Variants in PELP1 observed in about 807,000 individuals in gnomAD.
PELP1 encodes the protein proline-, glutamic acid- and leucine-rich protein 1.
PELP1 carries 32 observed loss-of-function variants against 95.5 expected under a neutral mutation model. That is an observed-to-expected ratio of 0.34 (90% CI 0.25 to 0.45). The LOEUF is 0.45. Among genes scored for constraint, PELP1 ranks in the 20% least tolerant of loss-of-function variants. The pLI is 1.00. For synonymous variants in PELP1, 668 were observed against 600.1 expected (o/e 1.11, Z -1.65); for missense variants, 1,358 against 1,444.8 (o/e 0.94, Z 0.97).
In PELP1 at chr17:4,676,405, C is replaced by T. The variant is rs147186006; in HGVS notation, c.805G>A (p.Ala269Thr). The change falls in exon 7 of 17, where the codon GCC becomes ACC. Residue 269 changes from alanine to threonine, a missense_variant. By Grantham distance (58) the Ala-to-Thr change is moderately conservative. Transcript: ENST00000572293. ...GCCCCCAGCAGGGTGTGCAGTGAGG[C>T]CAGCAGACTGTGTAGCTCCTGCTCC... ...SWEQELHSLL[A>T]SLHTLLGALY... is the part of the protein sequence containing the mutation. The T allele has an allele frequency of 1.3e-3, 2,105 of 1,613,668 alleles. 12 individuals are homozygous for T. In the African/African-American group the frequency reaches 0.02, roughly 15 times the overall value.
chr17:4,690,678 T>C (rs2150562554), intron 3 of PELP1, among the ~76,000 whole-genome samples: 1 of 152,214 alleles, frequency 6.6e-6, no homozygotes, highest in East Asian at 1.9e-4. Context: ...GCCAAGATCA[T>C]GCCACTGCCC....
At chr17:4,697,493 A>G (rs1293539155) in intron 1 of PELP1, among the ~76,000 whole-genome samples, 4 of 152,178 alleles carry the variant, frequency 2.6e-5, no homozygotes, top group African/African-American at 9.7e-5. Context: ...CAGCCTGGGC[A>G]ACACAGCGAG....
At chr17:4,689,661 A>G (rs1026164507) in intron 3 of PELP1, among the ~76,000 whole-genome samples, 2 of 152,218 alleles carry the variant, frequency 1.3e-5, no homozygotes, top group African/African-American at 4.8e-5. Context: ...ACAATATTTT[A>G]TAGCAGCACA....
At chr17:4,692,679 T>G (rs555329186) in intron 1 of PELP1, among the ~76,000 whole-genome samples, 1 of 151,874 alleles carries the variant, frequency 6.6e-6, no homozygotes, top group East Asian at 2.0e-4. Context: ...GGGGACAGGA[T>G]TTTATTTAGG....
chr17:4,672,200 ACTCTTCTTCCTC>A lies in PELP1; in HGVS notation c.2779_2790del (p.Glu927_Glu930del), dbSNP rs759783990. The A allele has an allele frequency of 1.9e-5, 29 of 1,544,584 alleles. No homozygotes were observed. Among genetic ancestry groups the A allele is most frequent in the African/African-American group, 5.7e-5 (4 of 70,396 alleles). Reference sequence around the variant, plus strand: ...TCTTCTTCCTCAAATTCTTCCTCAAACTCTTCTTCCTCCTCTTCTTCCTCTTCAAAATATTCC... The same window carrying A: ...TCTTCTTCCTCAAATTCTTCCTCAAACTCTTCTTCCTCTTCAAAATATTCC... On this transcript the variant is annotated inframe_deletion, in exon 16 of 17. Transcript: ENST00000572293.
chr17:4,691,230 G>T, intron 2 of PELP1, 148 bp downstream of exon 2: 1 of 682,468 alleles, frequency 1.5e-6, no homozygotes, highest in Non-Finnish European at 2.6e-6. Context: ...AATCAAGTGA[G>T]CTCACAAAAG....
Position 4,694,084 on chromosome 17 carries a change from T to G in PELP1, c.250-2642A>C, listed in dbSNP as rs187307376. On this transcript the variant is annotated intron_variant, in intron 1 of 16. Coordinates refer to ENST00000572293, the MANE Select transcript of PELP1 (RefSeq NM_014389.3). ...TGACACATGGATGAACCTTGAAAACTGACTGCTAAGTGAAAGAAGCCAAAC... is the reference window on the plus strand; with the variant it reads ...TGACACATGGATGAACCTTGAAAACGGACTGCTAAGTGAAAGAAGCCAAAC... Among the ~76,000 whole-genome samples, 45 of 152,260 alleles carry G rather than the reference T, an allele frequency of 3.0e-4. No individual in the cohort carries two copies. The East Asian group carries it at 8.7e-3, about 29-fold the overall frequency.
At position 4,672,947 on chromosome 17, in the gene PELP1, G is replaced by GGCCTGCTGAGGGCATGGA. The variant is rs756319868; in HGVS notation, c.2026_2043dup (p.Ser676_Gly681dup). On this transcript the variant is annotated inframe_insertion, in exon 16 of 17. Coordinates refer to ENST00000572293, the MANE Select transcript of PELP1 (RefSeq NM_014389.3). ...GGCATGGGGCCTGCTGAAGGCATGG[G>GGCCTGCTGAGGGCATGGA]GCCTGCTGAGGGCATGGAGCCCACT... is the stretch of plus-strand genomic sequence containing the variant. 16 of 1,605,178 alleles carry GGCCTGCTGAGGGCATGGA rather than the reference G, an allele frequency of 1.0e-5. No homozygotes were observed. The highest frequency in any genetic ancestry group is 1.0e-5 in the Non-Finnish European group (12 of 1,175,072).
intron 1 of PELP1, among the ~76,000 whole-genome samples, chr17:4,699,668 T>TAA (rs1404634388): frequency 6.6e-6 from 1 of 151,636 alleles, no homozygotes; most frequent in Non-Finnish European, 1.5e-5. Context: ...CTCACTGCAA[T>TAA]GTCTGCCTCC....
Position 4,671,099 on chromosome 17 carries a change from C to A in PELP1, c.*340G>T. 3.1e-6 allele frequency: 1 copy of A among 321,012 alleles called. No individual in the cohort carries two copies. The allele number at this position is 321,012 out of a possible 1,614,324, so 19.9% of individuals were successfully genotyped here. A position where few individuals can be genotyped will look rare whatever the true frequency, so the allele number is the denominator to read the frequency against. On this transcript the variant is annotated 3_prime_UTR_variant, in exon 17 of 17. Coordinates refer to ENST00000572293, the MANE Select transcript of PELP1 (RefSeq NM_014389.3). ...ATGCATTCTCCACACATTTCCCACC[C>A]CGAATACAAACACGAAAGCAGGGCT...
intron 3 of PELP1, among the ~76,000 whole-genome samples, chr17:4,683,912 C>T (rs537163591): frequency 6.9e-6 from 1 of 144,544 alleles, no homozygotes; most frequent in South Asian, 2.2e-4. Context: ...AATCTTGGCT[C>T]ACCGCAGCCC....
At chr17:4,683,403 G>A (rs1397183022) in intron 3 of PELP1, among the ~76,000 whole-genome samples, 1 of 151,694 alleles carries the variant, frequency 6.6e-6, no homozygotes, top group Non-Finnish European at 1.5e-5. Context: ...TGTATTTTTA[G>A]TAGAGACGGG....
Position 4,671,935 on chromosome 17 carries a change from C to T in PELP1, c.3056G>A (p.Gly1019Glu), listed in dbSNP as rs746324600. Residue 1019 changes from glycine to glutamate, a missense_variant, in exon 16 of 17, where the codon GGG becomes GAG. By Grantham distance (98) the Gly-to-Glu change is moderately conservative. Around this residue, in one of 7 missense-constraint regions of PELP1, gnomAD observed 283 missense variants for 284.1 expected, o/e 1.00. Transcript: ENST00000572293. Reference sequence around the variant, plus strand: ...GGCCAGGGTGGGAGCTGTGTCAGCCCCACGCTCCTCCTCCGTCCCTGGCTC... The same window carrying T: ...GGCCAGGGTGGGAGCTGTGTCAGCCTCACGCTCCTCCTCCGTCCCTGGCTC... Reference protein sequence around the residue: ...VEEPGTEEERGADTAPTLAPE... With the variant: ...VEEPGTEEEREADTAPTLAPE... 2 of 1,523,832 alleles carry T rather than the reference C, an allele frequency of 1.3e-6. No homozygotes were observed. Among genetic ancestry groups the T allele is most frequent in the East Asian group, 2.3e-5 (1 of 44,206 alleles). 94.4% of individuals were successfully genotyped at this position (1,523,832 alleles called of 1,614,324 possible). A position where few individuals can be genotyped will look rare whatever the true frequency, so the allele number is the denominator to read the frequency against.
At chr17:4,694,694 C>T (rs1045348501) in intron 1 of PELP1, among the ~76,000 whole-genome samples, 5 of 150,010 alleles carry the variant, frequency 3.3e-5, no homozygotes, top group African/African-American at 7.4e-5. Flanking sequence ...TAAAATGGGC[C>T]GGGCGCGGTG....
chr17:4,684,654 A>C (rs1251489660), intron 3 of PELP1, among the ~76,000 whole-genome samples: 5 of 152,088 alleles, frequency 3.3e-5, no homozygotes, highest in Non-Finnish European at 7.4e-5. Context: ...ACATTTATAC[A>C]GCTCAAGTCT....
intron 1 of PELP1, among the ~76,000 whole-genome samples, chr17:4,702,897 CGGA>C (rs1913600717): frequency 1.3e-5 from 2 of 151,970 alleles, no homozygotes; most frequent in African/African-American, 4.8e-5. Context: ...TGCCTTCACC[CGGA>C]CAAGATGGTG....
At chr17:4,685,784 C>A (rs1329404826) in intron 3 of PELP1, among the ~76,000 whole-genome samples, 1 of 43,392 alleles carries the variant, frequency 2.3e-5, no homozygotes, top group Non-Finnish European at 4.4e-5. Flanking sequence ...CAAAATGAAA[C>A]CATGTCTTAA....
chr17:4,695,408 T>C (rs1020607018), intron 1 of PELP1, among the ~76,000 whole-genome samples: 3 of 152,022 alleles, frequency 2.0e-5, no homozygotes, highest in African/African-American at 4.8e-5. Flanking sequence ...CGGTGGCCTA[T>C]AATCCCAAAA....
In PELP1 at chr17:4,674,524, G is replaced by A. The variant is rs776758532; in HGVS notation, c.1568C>T (p.Ala523Val). 9 of 1,612,636 alleles carry A rather than the reference G, an allele frequency of 5.6e-6. No homozygotes were observed. Among genetic ancestry groups the A allele is most frequent in the East Asian group, 4.5e-5 (2 of 44,862 alleles). ...GCCTCACCCACCTCTGAGTGCAGCC[G>A]CACACACGTCGCTGTTGGCATTGCT... ...GDSNANSDVC[A>V]AALRGLSRTI... Residue 523 changes from alanine (A) to valine (V), a missense_variant, in exon 13 of 17, where the codon GCG becomes GTG. Ala to Val is a moderately conservative substitution (Grantham distance 64, BLOSUM62 0). Around this residue, in one of 7 missense-constraint regions of PELP1, gnomAD observed 538 missense variants for 628.1 expected, o/e 0.86. Transcript: ENST00000572293.
Sources: allele counts gnomAD v4.1 joint callset (sites outside exome capture counted in the v4.1 genomes callset), GRCh38; gene constraint gnomAD v4.1.1; regional missense constraint gnomAD v4.1.1; transcripts MANE v1.5; gene names NCBI Gene and HGNC (gene_info 2026-07-23, HGNC 2026-07-21).